The following EPC2 variants were observed in gnomAD, a reference collection of about 807,000 sequenced individuals.
EPC2 encodes the protein enhancer of polycomb homolog 2.
In EPC2, 14 loss-of-function variants were observed where a neutral mutation model predicts 92.1. The observed-to-expected ratio is 0.15, with a 90% confidence interval of 0.10 to 0.24. The LOEUF (loss-of-function observed/expected upper bound fraction) is 0.24, where lower values mean the gene tolerates loss of function less well. EPC2 is among the 10% of genes least tolerant of loss of function. The pLI is 1.00. For missense variants in EPC2, 755 were observed against 971.5 expected (o/e 0.78, Z 2.96); for synonymous variants, 340 against 334.7 (o/e 1.02, Z -0.17).
At chr2:148,697,278 C>T (rs1279881105) in intron 2 of EPC2, among the ~76,000 whole-genome samples, 1 of 151,566 alleles carries the variant, frequency 6.6e-6, no homozygotes, top group Non-Finnish European at 1.5e-5. Flanking sequence ...CATTACCATT[C>T]AAAGGGGGTT....
At chr2:148,697,806 A>G (rs571285483) in intron 2 of EPC2, among the ~76,000 whole-genome samples, 1 of 152,296 alleles carries the variant, frequency 6.6e-6, no homozygotes, top group Admixed American at 6.5e-5. Flanking sequence ...AGAGCTAGAG[A>G]ACCCATTCTA....
intron 2 of EPC2, among the ~76,000 whole-genome samples, chr2:148,731,132 T>A (rs1682619945): frequency 6.6e-6 from 1 of 152,224 alleles, no homozygotes; most frequent in African/African-American, 2.4e-5. Flanking sequence ...GGGATACTGT[T>A]ATACATGTTG....
chr2:148,785,993 AAAG>A (rs1027202393), intron 13 of EPC2, among the ~76,000 whole-genome samples: 1 of 152,168 alleles, frequency 6.6e-6, no homozygotes, highest in African/African-American at 2.4e-5. Flanking sequence ...GAGAAAAAAA[AAAG>A]AAAAACTTGG....
At chr2:148,763,828 G>A (rs1034032293) in intron 6 of EPC2, among the ~76,000 whole-genome samples, 1 of 152,076 alleles carries the variant, frequency 6.6e-6, no homozygotes, top group Non-Finnish European at 1.5e-5. Context: ...CTTTTCCTAG[G>A]TATGTGATTG....
rs755428208 is a variant in EPC2 at position 148,762,764 on chromosome 2, A to C, written c.910A>C (p.Asn304His). ...ATATGCCACTCCAGCAACTCTTCAT[A>C]ATGGAAATCATCACAAAGTTCAAGA... Reference protein sequence around the residue: ...ELYATPATLHNGNHHKVQECK... With the variant: ...ELYATPATLHHGNHHKVQECK... The change falls in exon 6 of 14, where the codon AAT (asparagine) becomes CAT (histidine). Residue 304 changes from asparagine to histidine, a missense_variant. By Grantham distance (68) the Asn-to-His change is moderately conservative (BLOSUM62 1). This residue lies in a region of EPC2 where 509 missense variants were observed against 607.7 expected (regional missense o/e 0.84). Transcript: ENST00000258484. The C allele has an allele frequency of 6.2e-7, 1 of 1,609,878 alleles. No homozygotes were observed. Among genetic ancestry groups the C allele is most frequent in the Middle Eastern group, 1.7e-4 (1 of 6,040 alleles).
At chr2:148,712,263 G>T (rs1266891753) in intron 2 of EPC2, among the ~76,000 whole-genome samples, 1 of 151,782 alleles carries the variant, frequency 6.6e-6, no homozygotes, top group Non-Finnish European at 1.5e-5. Flanking sequence ...GTGTGTGTGT[G>T]TTTGCCCTAG....
chr2:148,754,154 C>T (rs1483961202), intron 4 of EPC2, 21 bp downstream of exon 4: 1 of 1,547,924 alleles, frequency 6.5e-7, no homozygotes, highest in Non-Finnish European at 8.8e-7. Flanking sequence ...AATTAGGTTT[C>T]ATTGAAGGTA....
chr2:148,736,523 A>G (rs975392121), intron 2 of EPC2, among the ~76,000 whole-genome samples: 1 of 152,132 alleles, frequency 6.6e-6, no homozygotes, highest in Non-Finnish European at 1.5e-5. Context: ...GGTGTTCATT[A>G]CTACTGGGTT....
chr2:148,689,035 A>G (rs191343276), intron 1 of EPC2, among the ~76,000 whole-genome samples: 25 of 152,330 alleles, frequency 1.6e-4, no homozygotes, highest in Admixed American at 1.5e-3. Flanking sequence ...CCTCTCTGCT[A>G]AGATAAGACT....
chr2:148,753,871 C>A, intron 3 of EPC2, 56 bp from the exon 4 acceptor site: 1 of 1,498,842 alleles, frequency 6.7e-7, no homozygotes, highest in South Asian at 1.2e-5. Flanking sequence ...CATAAGCTAA[C>A]TTTTATTTCT....
chr2:148,726,542 A>G (rs944572407), intron 2 of EPC2, among the ~76,000 whole-genome samples: 6 of 151,854 alleles, frequency 4.0e-5, no homozygotes, highest in Non-Finnish European at 8.8e-5. Context: ...TTTGATTTGC[A>G]TTTCCCTGAT....
chr2:148,732,412 A>T (rs1338241340), intron 2 of EPC2, among the ~76,000 whole-genome samples: 1 of 139,536 alleles, frequency 7.2e-6, no homozygotes. Context: ...ATGTAGTCTC[A>T]TTCTGTTGCG....
intron 1 of EPC2, among the ~76,000 whole-genome samples, chr2:148,645,986 A>G (rs749908084): frequency 2.6e-5 from 4 of 152,232 alleles, no homozygotes; most frequent in Non-Finnish European, 4.4e-5. Context: ...TGTAATTTTG[A>G]TAATACAGCA....
intron 2 of EPC2, among the ~76,000 whole-genome samples, chr2:148,721,712 CTT>C (rs34017461): frequency 0.15 from 16,665 of 111,442 alleles, 1,355 homozygotes; most frequent in East Asian, 0.46. Context: ...CTGTTTTATT[CTT>C]TTTTTTTTTT....
intron 1 of EPC2, among the ~76,000 whole-genome samples, chr2:148,672,649 T>C (rs1397334348): frequency 6.6e-6 from 1 of 152,204 alleles, no homozygotes. Flanking sequence ...ATTATATTTT[T>C]TGTGTTTTGT....
At chr2:148,741,579 C>G (rs1682880116) in intron 2 of EPC2, among the ~76,000 whole-genome samples, 1 of 152,120 alleles carries the variant, frequency 6.6e-6, no homozygotes, top group African/African-American at 2.4e-5. Context: ...CATGCTGAAT[C>G]TGAGAATGCC....
At chr2:148,756,866 T>C (rs1277602228) in intron 4 of EPC2, among the ~76,000 whole-genome samples, 2 of 152,134 alleles carry the variant, frequency 1.3e-5, no homozygotes, top group Non-Finnish European at 2.9e-5. Flanking sequence ...AGATGTACAG[T>C]TTATTCTATA....
At chr2:148,717,871 T>C (rs533881704) in intron 2 of EPC2, among the ~76,000 whole-genome samples, 1 of 152,270 alleles carries the variant, frequency 6.6e-6, no homozygotes, top group Admixed American at 6.5e-5. Context: ...TATTATTGTG[T>C]GGGAGTCTAA....
intron 2 of EPC2, among the ~76,000 whole-genome samples, chr2:148,698,889 T>G (rs1382623436): frequency 3.3e-5 from 5 of 151,488 alleles, no homozygotes; most frequent in Non-Finnish European, 1.5e-5. Flanking sequence ...GTTTGTGGCT[T>G]TCGCTTTTTC....
Sources: allele counts gnomAD v4.1 joint callset (sites outside exome capture counted in the v4.1 genomes callset), GRCh38; gene constraint gnomAD v4.1.1; regional missense constraint gnomAD v4.1.1; transcripts MANE v1.5; gene names NCBI Gene and HGNC (gene_info 2026-07-23, HGNC 2026-07-21).